Variants in PPP2R2B observed in about 807,000 individuals in gnomAD.
PPP2R2B encodes protein phosphatase 2 regulatory subunit Bbeta.
In PPP2R2B, 5 loss-of-function variants were observed where a neutral mutation model predicts 46.0. The ratio of observed to expected loss-of-function variants is 0.11; its 90% CI spans 0.06 to 0.23. PPP2R2B has a LOEUF of 0.23. PPP2R2B is among the 10% of genes least tolerant of loss of function. PPP2R2B has a pLI of 1.00. For synonymous variants in PPP2R2B, 215 were observed against 206.7 expected, an observed-to-expected ratio of 1.04 and a Z score of -0.34; for missense variants, 367 against 575.0, an observed-to-expected ratio of 0.64 and a Z score of 3.70.
At chr5:146,895,262 C>T (rs529208835) in intron 1 of PPP2R2B, among the ~76,000 whole-genome samples, 29 of 152,322 alleles carry the variant, frequency 1.9e-4, no homozygotes, top group Non-Finnish European at 4.0e-4. Context: ...GTCATCTTTT[C>T]AAGAGGAAAG....
At chr5:146,812,078 C>T (rs1757587618) in intron 2 of PPP2R2B, among the ~76,000 whole-genome samples, 1 of 152,018 alleles carries the variant, frequency 6.6e-6, no homozygotes, top group African/African-American at 2.4e-5. Flanking sequence ...GGCCCAAGAG[C>T]TCTGAGTTAA....
intron 1 of PPP2R2B, among the ~76,000 whole-genome samples, chr5:146,892,484 T>TCCCTCCCACCACCTCTCTCTGC (rs370186954): frequency 2.0e-5 from 3 of 152,200 alleles, no homozygotes; most frequent in African/African-American, 4.8e-5. Context: ...CACCTCTCTG[T>TCCCTCCCACCACCTCTCTCTGC]CCCTCCCACC....
chr5:146,592,897 CTACTT>C, intron 9 of PPP2R2B, 69 bp downstream of exon 9: 1 of 1,444,596 alleles, frequency 6.9e-7, no homozygotes. Context: ...TGGCTGTACT[CTACTT>C]AGGATAAATT....
chr5:146,714,307 G>A (rs1780368701), intron 2 of PPP2R2B, among the ~76,000 whole-genome samples: 1 of 152,084 alleles, frequency 6.6e-6, no homozygotes, highest in Non-Finnish European at 1.5e-5. Context: ...ATGGGATGGT[G>A]GCCATAAAAC....
intron 7 of PPP2R2B, among the ~76,000 whole-genome samples, chr5:146,626,108 G>T (rs549820605): frequency 6.6e-6 from 1 of 152,022 alleles, no homozygotes; most frequent in Non-Finnish European, 1.5e-5. Context: ...AGAACTGCAG[G>T]ATGGTAAGTT....
intron 5 of PPP2R2B, among the ~76,000 whole-genome samples, chr5:146,662,804 T>C (rs1776749815): frequency 6.6e-6 from 1 of 152,070 alleles, no homozygotes; most frequent in African/African-American, 2.4e-5. Context: ...AAAGGGTTAC[T>C]ATTTATGATA....
intron 7 of PPP2R2B, among the ~76,000 whole-genome samples, chr5:146,622,032 TTG>T (rs940319339): frequency 3.9e-4 from 60 of 152,294 alleles, no homozygotes; most frequent in Non-Finnish European, 6.9e-4. Flanking sequence ...AGAAAAATAC[TTG>T]TGTTCCTCTG....
intron 2 of PPP2R2B, among the ~76,000 whole-genome samples, chr5:146,774,771 C>G (rs985626096): frequency 1.4e-5 from 2 of 147,066 alleles, no homozygotes; most frequent in Non-Finnish European, 3.0e-5. Context: ...GAGCTGAGAT[C>G]ATGCCACTGC....
intron 2 of PPP2R2B, among the ~76,000 whole-genome samples, chr5:146,843,997 C>G (rs978328633): frequency 3.3e-5 from 5 of 151,914 alleles, no homozygotes. Flanking sequence ...AATGGTATTT[C>G]TAGTTCTAGA....
At chr5:146,762,918 TC>T (rs147932241) in intron 2 of PPP2R2B, among the ~76,000 whole-genome samples, 9,131 of 152,218 alleles carry the variant, frequency 0.06, 434 homozygotes, top group African/African-American at 0.13. Context: ...GTGTGGAATA[TC>T]ACCAACATCT....
At chr5:146,949,754 A>T (rs1764594578) in intron 1 of PPP2R2B, among the ~76,000 whole-genome samples, 1 of 152,084 alleles carries the variant, frequency 6.6e-6, no homozygotes. Context: ...AAAGATTTGG[A>T]AGCAGCCTAA....
At chr5:146,966,825 A>C (rs1452166457) in intron 1 of PPP2R2B, among the ~76,000 whole-genome samples, 1 of 152,146 alleles carries the variant, frequency 6.6e-6, no homozygotes, top group Non-Finnish European at 1.5e-5. Flanking sequence ...GCACAGAGCT[A>C]AGGTCTGTAC....
At chr5:147,003,351 G>A (rs1340432537) in intron 1 of PPP2R2B, among the ~76,000 whole-genome samples, 2 of 152,112 alleles carry the variant, frequency 1.3e-5, no homozygotes, top group African/African-American at 2.4e-5. Context: ...AAGCTGTAGG[G>A]AGAGGGGAAT....
At chr5:146,758,211 T>C (rs1480106339) in intron 2 of PPP2R2B, among the ~76,000 whole-genome samples, 2 of 152,132 alleles carry the variant, frequency 1.3e-5, no homozygotes, top group Admixed American at 6.6e-5. Context: ...TTACAAATGA[T>C]AGATAACCAA....
At chr5:146,740,566 A>G (rs1158858178) in intron 2 of PPP2R2B, among the ~76,000 whole-genome samples, 1 of 134,640 alleles carries the variant, frequency 7.4e-6, no homozygotes, top group Non-Finnish European at 1.6e-5. Context: ...AATATTTTAA[A>G]ATGAGATCAC....
intron 2 of PPP2R2B, among the ~76,000 whole-genome samples, chr5:146,733,247 T>C (rs777850724): frequency 6.6e-5 from 10 of 152,170 alleles, no homozygotes; most frequent in Non-Finnish European, 1.5e-4. Context: ...ACTTCCAGTA[T>C]TTCCAAAGTA....
intron 2 of PPP2R2B, among the ~76,000 whole-genome samples, chr5:147,069,434 A>G (rs141854843): frequency 6.6e-6 from 1 of 152,262 alleles, no homozygotes; most frequent in Non-Finnish European, 1.5e-5. Flanking sequence ...AAAGCTTCCC[A>G]TTGTACCCAG....
intron 1 of PPP2R2B, among the ~76,000 whole-genome samples, chr5:146,969,000 T>A (rs74675837): frequency 0.033 from 4,998 of 152,352 alleles, 202 homozygotes; most frequent in East Asian, 0.099. Flanking sequence ...ATTCAGGACG[T>A]TTAACAAGTG....
chr5:146,707,366 T>C (rs2151176269), intron 2 of PPP2R2B: 2 of 817,888 alleles, frequency 2.4e-6, no homozygotes, highest in Non-Finnish European at 2.2e-6. Context: ...GCATGGATGT[T>C]GGGGTTCACC....
Sources: allele counts gnomAD v4.1 joint callset (sites outside exome capture counted in the v4.1 genomes callset), GRCh38; gene constraint gnomAD v4.1.1; transcripts MANE v1.5; gene names NCBI Gene and HGNC (gene_info 2026-07-23, HGNC 2026-07-21).